The following TLR2 variants were observed in gnomAD, a reference collection of about 807,000 sequenced individuals.
The protein encoded by TLR2 is toll like receptor 2.
A neutral mutation model predicts 9.1 loss-of-function variants in TLR2; 7 were observed. The observed-to-expected ratio is 0.77, with a 90% confidence interval of 0.44 to 1.44. The LOEUF is 1.44. Ranked by LOEUF, TLR2 falls within the 40% of genes most tolerant of loss-of-function variation. The probability of loss-of-function intolerance (pLI) is 0.01; values close to 1 mark genes in which losing one functional copy is unlikely to be tolerated. For synonymous variants in TLR2, 317 were observed against 344.6 expected (o/e 0.92, Z 0.89); for missense variants, 812 against 904.6 (o/e 0.90, Z 1.31).
intron 2 of TLR2, among the ~76,000 whole-genome samples, chr4:153,700,861 C>CA (rs1241469461): frequency 2.0e-5 from 3 of 151,904 alleles, no homozygotes; most frequent in African/African-American, 2.4e-5. Context: ...TCCCTATTAA[C>CA]AAAAAAATAT....
intron 2 of TLR2, among the ~76,000 whole-genome samples, chr4:153,701,150 T>G (rs1197372362): frequency 3.9e-5 from 6 of 152,182 alleles, no homozygotes. Flanking sequence ...AATAGCAGTG[T>G]CTCCTCCAAA....
chr4:153,691,820 T>C (rs1004569840), intron 2 of TLR2, among the ~76,000 whole-genome samples: 9 of 152,304 alleles, frequency 5.9e-5, no homozygotes, highest in Admixed American at 5.9e-4. Flanking sequence ...ACAATGGTAG[T>C]GTCATTTACT....
rs1322222364 is a variant in TLR2 at position 153,706,017 on chromosome 4, G to A, written c.*755G>A. Among the ~76,000 whole-genome samples, 2 of 152,198 alleles carry A rather than the reference G, an allele frequency of 1.3e-5. No homozygotes were observed. The highest frequency in any genetic ancestry group is 2.9e-5 in the Non-Finnish European group (2 of 68,036). ...AGAGCAACAAGGCAAAGTATTTGGG[G>A]CACTCCCCAAAACTTGTTGCTATTC... On this transcript the variant is annotated 3_prime_UTR_variant, in exon 3 of 3. Coordinates refer to ENST00000642700, the MANE Select transcript of TLR2 (RefSeq NM_001318789.2).
rs1399403606 is a variant in TLR2 at position 153,690,370 on chromosome 4, C to G, written c.-17+2323C>G. Among the ~76,000 whole-genome samples the G allele has an allele frequency of 2.0e-5, 3 of 152,150 alleles. No homozygotes were observed. In the East Asian group the frequency reaches 5.8e-4, roughly 29 times the overall value. Reference sequence around the variant, plus strand: ...TGTCCTTGAGAATTATATGGGATGCCAGTAATGTGTTTAATATTCCATATA... The same window carrying G: ...TGTCCTTGAGAATTATATGGGATGCGAGTAATGTGTTTAATATTCCATATA... On this transcript the variant is annotated intron_variant, in intron 2 of 2. Coordinates refer to ENST00000642700, the MANE Select transcript of TLR2 (RefSeq NM_001318789.2).
intron 2 of TLR2, chr4:153,702,128 A>AAACCCAT (rs1199510845): frequency 1.3e-5 from 2 of 152,270 alleles, no homozygotes; most frequent in Non-Finnish European, 2.9e-5. Context: ...TTATGGTTAC[A>AAACCCAT]AGTAAACTAG....
rs141605367 is a variant in TLR2, at chr4:153,702,762, TTGTGTGTGTG to T, written c.-16-94_-16-85del. 3,525 of 416,134 alleles carry T rather than the reference TTGTGTGTGTG, an allele frequency of 8.5e-3. 27 individuals are homozygous for T. Among genetic ancestry groups the T allele is most frequent in the African/African-American group, 0.027 (1,296 of 47,868 alleles). 25.8% of individuals were successfully genotyped at this position (416,134 alleles called of 1,614,324 possible). ...CATCTGTTTCTCTCTCTCTCTCTCT[TTGTGTGTGTG>T]TGTGTGTGTGTGTGTGTGTGTGTGT... On this transcript the variant is annotated intron_variant, in intron 2 of 2. Coordinates refer to ENST00000642700, the MANE Select transcript of TLR2 (RefSeq NM_001318789.2).
At chr4:153,686,857 A>G (rs55734869) in intron 1 of TLR2, among the ~76,000 whole-genome samples, 19 of 152,190 alleles carry the variant, frequency 1.2e-4, no homozygotes, top group African/African-American at 4.6e-4. Context: ...AACACAATGT[A>G]GTTCACATAA....
rs117138779 is a variant in TLR2, at chr4:153,700,377, C to T, written c.-16-2515C>T. Among the ~76,000 whole-genome samples the T allele has an allele frequency of 1.8e-3, 281 of 152,224 alleles. 3 individuals carry two copies. The East Asian group carries it at 0.03, about 16-fold the overall frequency. ...ATAGAAATAAATCTCACAAAATATGCTTAAGAACTTTAAGCAAAAACCATA... is the reference window on the plus strand; with the variant it reads ...ATAGAAATAAATCTCACAAAATATGTTTAAGAACTTTAAGCAAAAACCATA... On this transcript the variant is annotated intron_variant, in intron 2 of 2. Transcript: ENST00000642700.
intron 2 of TLR2, among the ~76,000 whole-genome samples, chr4:153,700,999 C>T (rs1736848604): frequency 6.6e-6 from 1 of 151,602 alleles, no homozygotes; most frequent in Non-Finnish European, 1.5e-5. Flanking sequence ...AAGTGAAAGG[C>T]AAAGCAATAA....
In TLR2 at chr4:153,703,409, A is replaced by G; in HGVS notation, c.502A>G (p.Lys168Glu). 1 of 1,614,140 alleles carries G rather than the reference A, an allele frequency of 6.2e-7. No homozygotes were observed. The highest frequency in any genetic ancestry group is 8.5e-7 in the Non-Finnish European group (1 of 1,180,014). ...NMDTFTKIQRKDFAGLTFLEE... is the reference protein window; with the variant it reads ...NMDTFTKIQREDFAGLTFLEE... ...GGACACCTTCACTAAGATTCAAAGA[A>G]AAGATTTTGCTGGACTTACCTTCCT... The change falls in exon 3 of 3, where the codon AAA becomes GAA. Residue 168 changes from lysine to glutamate, a missense_variant. Physicochemically the swap from Lys to Glu is moderately conservative, Grantham distance 56. Transcript: ENST00000642700.
chr4:153,702,972 C>G lies in TLR2; in HGVS notation c.65C>G (p.Ser22Cys). The change falls in exon 3 of 3, where the codon TCC (serine) becomes TGC (cysteine). Residue 22 changes from serine (S) to cysteine (C), a missense_variant. Coordinates refer to ENST00000642700, the MANE Select transcript of TLR2 (RefSeq NM_001318789.2). Reference protein sequence around the residue: ...GVIISLSKEESSNQASLSCDR... With the variant: ...GVIISLSKEECSNQASLSCDR... ...ATCATCAGCCTCTCCAAGGAAGAAT[C>G]CTCCAATCAGGCTTCTCTGTCTTGT... 2 of 1,614,014 alleles carry G rather than the reference C, an allele frequency of 1.2e-6. No homozygotes were observed. The highest frequency in any genetic ancestry group is 1.7e-6 in the Non-Finnish European group (2 of 1,180,008).
downstream of TLR2, among the ~76,000 whole-genome samples, chr4:153,708,205 A>AAT (rs1206221707): frequency 6.6e-6 from 1 of 152,204 alleles, no homozygotes; most frequent in Non-Finnish European, 1.5e-5. Flanking sequence ...CATTCAGATA[A>AAT]ATACTGGCTT....
At chr4:153,696,114 T>G (rs1736477427) in intron 2 of TLR2, among the ~76,000 whole-genome samples, 1 of 152,184 alleles carries the variant, frequency 6.6e-6, no homozygotes, top group Admixed American at 6.5e-5. Flanking sequence ...ATGTGATTCC[T>G]CCAGTTTTGT....
chr4:153,703,569 C>T lies in TLR2; in HGVS notation c.662C>T (p.Thr221Ile), dbSNP rs1294161142. 1.2e-6 allele frequency: 2 copies of T among 1,614,130 alleles called. No individual in the cohort carries two copies. Among genetic ancestry groups the T allele is most frequent in the Non-Finnish European group, 8.5e-7 (1 of 1,180,024 alleles). Residue 221 changes from threonine to isoleucine, a missense_variant, in exon 3 of 3, where the codon ACA becomes ATA. Thr to Ile is a moderately conservative substitution (Grantham distance 89). Transcript: ENST00000642700. ...ILLLEIFVDVTSSVECLELRD... is the reference protein window; with the variant it reads ...ILLLEIFVDVISSVECLELRD... ...CTGCTGGAGATTTTTGTAGATGTTA[C>T]AAGTTCCGTGGAATGTTTGGAACTG...
chr4:153,704,083 A>G lies in TLR2; in HGVS notation c.1176A>G (p.Leu392=). The change falls in exon 3 of 3, where the codon TTA becomes TTG. Residue 392 remains leucine (L), a synonymous_variant. Coordinates refer to ENST00000642700, the MANE Select transcript of TLR2 (RefSeq NM_001318789.2). ...CEDAWPSLQT[L]ILRQNHLASL... ...ATGCCTGGCCCTCTCTACAAACTTT[A>G]ATTTTAAGGCAAAATCATTTGGCAT... 2 of 1,614,108 alleles carry G rather than the reference A, an allele frequency of 1.2e-6. No individual in the cohort carries two copies. The highest frequency in any genetic ancestry group is 1.7e-6 in the Non-Finnish European group (2 of 1,180,000).
intron 2 of TLR2, among the ~76,000 whole-genome samples, chr4:153,698,118 A>G (rs932399615): frequency 2.0e-5 from 3 of 152,172 alleles, no homozygotes; most frequent in Admixed American, 6.6e-5. Context: ...TGTTCTTTTA[A>G]AAGATTCGTG....
intron 2 of TLR2, among the ~76,000 whole-genome samples, chr4:153,694,152 G>A (rs544687789): frequency 1.3e-5 from 2 of 152,338 alleles, no homozygotes; most frequent in Admixed American, 6.5e-5. Flanking sequence ...ACAAAGGGAT[G>A]GGCCAAAACA....
intron 2 of TLR2, chr4:153,702,530 G>T (rs1040046014): frequency 9.9e-5 from 18 of 181,022 alleles, no homozygotes; most frequent in Middle Eastern, 2.2e-3. Flanking sequence ...AATCCATATG[G>T]TTAAGCTTAG....
rs574506617 is a variant in TLR2, at chr4:153,696,647, A to G, written c.-16-6245A>G. Among the ~76,000 whole-genome samples, 7 of 152,332 alleles carry G rather than the reference A, an allele frequency of 4.6e-5. No individual in the cohort carries two copies. The East Asian group carries it at 1.3e-3, about 29-fold the overall frequency. On this transcript the variant is annotated intron_variant, in intron 2 of 2. Transcript: ENST00000642700. ...TTCTGTCACATTGAAAAATTATACC[A>G]TGAGAAGGCACATGCTTCTAGTAAT...
Sources: allele counts gnomAD v4.1 joint callset (sites outside exome capture counted in the v4.1 genomes callset), GRCh38; gene constraint gnomAD v4.1.1; transcripts MANE v1.5; gene names NCBI Gene and HGNC (gene_info 2026-07-23, HGNC 2026-07-21).